Variants in ADGRL4 observed in about 807,000 individuals in gnomAD.
ADGRL4 encodes the protein adhesion G protein-coupled receptor L4, also known as EGF, latrophilin and seven transmembrane domain containing 1.
ADGRL4 carries 90 observed loss-of-function variants against 74.8 expected under a neutral mutation model. The ratio of observed to expected loss-of-function variants is 1.20; its 90% CI spans 1.02 to 1.43. The LOEUF is 1.43. Ranked by LOEUF, ADGRL4 falls within the 40% of genes most tolerant of loss-of-function variation. ADGRL4 has a pLI of 0.00. For synonymous variants in ADGRL4, 311 were observed against 279.2 expected, an observed-to-expected ratio of 1.11 and a Z score of -1.14; for missense variants, 881 against 814.3, an observed-to-expected ratio of 1.08 and a Z score of -1.00.
chr1:78,993,909 C>T (rs929749262), intron 2 of ADGRL4, among the ~76,000 whole-genome samples: 2 of 152,110 alleles, frequency 1.3e-5, no homozygotes, highest in South Asian at 2.1e-4. Flanking sequence ...TGATTTTACA[C>T]TTCCCAGAAT....
chr1:78,999,842 A>ATCTG (rs1182672291), intron 2 of ADGRL4, among the ~76,000 whole-genome samples: 4 of 147,254 alleles, frequency 2.7e-5, no homozygotes, highest in Non-Finnish European at 5.9e-5. Flanking sequence ...CTATCTATCT[A>ATCTG]CCTACCTACC....
intron 2 of ADGRL4, among the ~76,000 whole-genome samples, chr1:78,972,098 G>T (rs563484840): frequency 6.6e-6 from 1 of 152,262 alleles, no homozygotes; most frequent in Non-Finnish European, 1.5e-5. Context: ...TCCTAAAGTA[G>T]CACATGTAGA....
chr1:78,898,973 G>A (rs1648458843), intron 12 of ADGRL4, among the ~76,000 whole-genome samples: 1 of 152,100 alleles, frequency 6.6e-6, no homozygotes, highest in African/African-American at 2.4e-5. Context: ...CAACCCAAAG[G>A]CTTCAAAATC....
chr1:78,997,590 T>C (rs189802357), intron 2 of ADGRL4, among the ~76,000 whole-genome samples: 1 of 152,194 alleles, frequency 6.6e-6, no homozygotes, highest in Non-Finnish European at 1.5e-5. Flanking sequence ...TGTAATTGTT[T>C]GGATGCAAAA....
At chr1:78,914,018 T>A (rs991181891) in intron 12 of ADGRL4, among the ~76,000 whole-genome samples, 5 of 151,906 alleles carry the variant, frequency 3.3e-5, no homozygotes, top group Non-Finnish European at 7.4e-5. Flanking sequence ...TAATGGTGAT[T>A]CTTCAGTTGA....
chr1:78,952,328 C>CTTT (rs10647389), intron 2 of ADGRL4, among the ~76,000 whole-genome samples: 16,672 of 119,610 alleles, frequency 0.14, 1,560 homozygotes, highest in East Asian at 0.33. Flanking sequence ...ACATAGAAAG[C>CTTT]TTTTTTTTTT....
At chr1:78,937,522 AATGCCAAGGG>A (rs1201445575) in intron 6 of ADGRL4, among the ~76,000 whole-genome samples, 3 of 152,192 alleles carry the variant, frequency 2.0e-5, no homozygotes, top group African/African-American at 4.8e-5. Flanking sequence ...ATGGACTCAA[AATGCCAAGGG>A]AATAATGTAC....
Position 78,918,066 on chromosome 1 carries a change from A to T in ADGRL4, c.1462-16T>A. On this transcript the variant is annotated splice_polypyrimidine_tract_variant and intron_variant, in intron 10 of 14. Coordinates refer to ENST00000370742, the MANE Select transcript of ADGRL4 (RefSeq NM_022159.4). ...AACAGAAGAGCTAGAAATCAAAGAA[A>T]AAAAAAAAAACATTGTCAGTGTTTG... is the stretch of plus-strand genomic sequence containing the variant. 1 of 1,567,462 alleles carries T rather than the reference A, an allele frequency of 6.4e-7. No homozygotes were observed. Among genetic ancestry groups the T allele is most frequent in the Non-Finnish European group, 8.7e-7 (1 of 1,155,826 alleles).
intron 2 of ADGRL4, among the ~76,000 whole-genome samples, chr1:78,969,773 A>G (rs1650133889): frequency 6.6e-6 from 1 of 151,854 alleles, no homozygotes; most frequent in African/African-American, 2.4e-5. Context: ...AACTTATCGT[A>G]CATTTGTCAT....
At chr1:78,965,012 C>T (rs749867546) in intron 2 of ADGRL4, among the ~76,000 whole-genome samples, 7 of 66,938 alleles carry the variant, frequency 1.0e-4, no homozygotes, top group South Asian at 7.5e-4. Flanking sequence ...GAGACAGTGG[C>T]TGTAAATAGT....
chr1:78,941,557 C>T (rs960399133), intron 3 of ADGRL4, among the ~76,000 whole-genome samples: 2 of 150,318 alleles, frequency 1.3e-5, no homozygotes, highest in Non-Finnish European at 3.0e-5. Context: ...CAATTTCAAT[C>T]CCCCCTTTTT....
At chr1:78,980,102 C>A (rs74577625) in intron 2 of ADGRL4, among the ~76,000 whole-genome samples, 1 of 151,282 alleles carries the variant, frequency 6.6e-6, no homozygotes, top group Non-Finnish European at 1.5e-5. Context: ...ATTTTTTTTT[C>A]TAGCAGCATT....
chr1:78,891,320 T>C, intron 14 of ADGRL4, 104 bp from the exon 15 acceptor site: 1 of 1,319,306 alleles, frequency 7.6e-7, no homozygotes, highest in East Asian at 2.5e-5. Flanking sequence ...TCTAAAGTAT[T>C]ATAGCTCAGA....
chr1:78,890,483 T>C lies in ADGRL4; in HGVS notation c.*671A>G, dbSNP rs561975668. 1 of 151,510 alleles carries C rather than the reference T, an allele frequency of 6.6e-6. No homozygotes were observed. The highest frequency in any genetic ancestry group is 2.4e-5 in the African/African-American group (1 of 41,358). 9.4% of individuals were successfully genotyped at this position (151,510 alleles called of 1,614,324 possible). On this transcript the variant is annotated 3_prime_UTR_variant, in exon 15 of 15. Transcript: ENST00000370742. ...TTTTCACTTTTTTTTTTTCAATTTG[T>C]GGAGGTAAACCTTTTTTTTTTTTTT...
chr1:78,952,749 G>A (rs760429618), intron 2 of ADGRL4, among the ~76,000 whole-genome samples: 3 of 152,068 alleles, frequency 2.0e-5, no homozygotes, highest in Non-Finnish European at 4.4e-5. Context: ...AGTTATACAA[G>A]AATAAAATGT....
intron 2 of ADGRL4, among the ~76,000 whole-genome samples, chr1:78,959,091 T>C (rs1649890727): frequency 6.6e-6 from 1 of 152,180 alleles, no homozygotes; most frequent in African/African-American, 2.4e-5. Flanking sequence ...CACTTACTAC[T>C]GTATAATGTA....
rs1336854651 is a variant in ADGRL4 at position 79,006,142 on chromosome 1, T to C, written c.22+491A>G. Among the ~76,000 whole-genome samples the C allele has an allele frequency of 4.6e-5, 7 of 152,360 alleles. 1 individual carries two copies. The highest frequency in any genetic ancestry group is 3.9e-4 in the Admixed American group (6 of 15,310). On this transcript the variant is annotated intron_variant, in intron 1 of 14. Transcript: ENST00000370742. The stretch of plus-strand genomic sequence containing the variant: ...CTGAAAACAGTCATCTAACATTAGT[T>C]GTCCTTATCAGGTACCAAGAGATTC...
chr1:78,936,472 T>C, intron 6 of ADGRL4, 61 bp from the exon 7 acceptor site: 1 of 1,348,262 alleles, frequency 7.4e-7, no homozygotes, highest in Non-Finnish European at 1.0e-6. Context: ...ACATCATAAA[T>C]ATATTAGCTT....
Position 78,927,094 on chromosome 1 carries a change from A to G in ADGRL4, c.878-3T>C, listed in dbSNP as rs1649133555. 1.3e-6 allele frequency: 2 copies of G among 1,537,392 alleles called. No individual in the cohort carries two copies. The highest frequency in any genetic ancestry group is 1.8e-6 in the Non-Finnish European group (2 of 1,113,946). On this transcript the variant is annotated splice_region_variant and splice_polypyrimidine_tract_variant and intron_variant, in intron 7 of 14. Transcript: ENST00000370742. ...TACAAATGCAACTGCAACATTGCCT[A>G]TCAATCAAATAAGTATATTTAGTGA... is the stretch of plus-strand genomic sequence containing the variant.
Sources: gnomAD v4.1 joint callset for allele counts (sites outside exome capture counted in the v4.1 genomes callset) on GRCh38, gnomAD v4.1.1 for gene constraint, MANE v1.5 for transcripts, NCBI Gene and HGNC (gene_info 2026-07-23, HGNC 2026-07-21) for gene names.